SPOCK1: variants seen among roughly 807,000 people sequenced by gnomAD.
The protein encoded by SPOCK1 is testican-1.
SPOCK1 carries 23 observed loss-of-function variants against 55.3 expected under a neutral mutation model. The observed-to-expected ratio is 0.42, with a 90% CI of 0.30 to 0.59. The LOEUF is 0.59. SPOCK1 is among the 20% of genes least tolerant of loss of function. The pLI, the probability that SPOCK1 is intolerant of heterozygous loss-of-function variation, is 0.22. For synonymous variants in SPOCK1, 226 were observed against 221.0 expected (o/e 1.02, Z -0.20); for missense variants, 499 against 552.5 (o/e 0.90, Z 0.97).
At chr5:137,038,503 G>A (rs1751927547) in intron 6 of SPOCK1, among the ~76,000 whole-genome samples, 2 of 152,204 alleles carry the variant, frequency 1.3e-5, no homozygotes, top group Admixed American at 1.3e-4. Context: ...GTATGGAATG[G>A]AGGGATTTAA....
chr5:137,329,095 T>C (rs1363534944), intron 2 of SPOCK1, among the ~76,000 whole-genome samples: 2 of 152,176 alleles, frequency 1.3e-5, no homozygotes, highest in African/African-American at 2.4e-5. Flanking sequence ...TAAAGTGGAC[T>C]GGCCCTCTCC....
At chr5:137,071,254 G>A (rs879600676) in intron 5 of SPOCK1, among the ~76,000 whole-genome samples, 10 of 152,100 alleles carry the variant, frequency 6.6e-5, no homozygotes, top group East Asian at 1.9e-4. Flanking sequence ...CCAGCCTCCC[G>A]AAATGCTAGA....
chr5:137,040,190 G>C (rs1389230877), intron 6 of SPOCK1, among the ~76,000 whole-genome samples: 3 of 152,228 alleles, frequency 2.0e-5, no homozygotes, highest in African/African-American at 7.2e-5. Context: ...CCATCAGTAT[G>C]AATTAGTTTC....
intron 2 of SPOCK1, among the ~76,000 whole-genome samples, chr5:137,272,728 A>ACCCCCACC (rs1446848891): frequency 3.7e-5 from 1 of 26,958 alleles, no homozygotes; most frequent in Admixed American, 3.9e-4. Flanking sequence ...CAAATCACCC[A>ACCCCCACC]CCCCCACCCC....
In SPOCK1 at chr5:137,112,516, C is replaced by G; in HGVS notation, c.393G>C (p.Ser131=). 6.2e-7 allele frequency: 1 copy of G among 1,613,794 alleles called. No individual in the cohort carries two copies. The highest frequency in any genetic ancestry group is 1.1e-5 in the South Asian group (1 of 91,052). ...NVAQKHWVGP[S]NLVKCKPCPV... ...GACAGGGCTTGCACTTGACCAAATT[C>G]GAAGGTCCAACCCAGTGTTTCTGGG... is the stretch of plus-strand genomic sequence containing the variant. Residue 131 remains serine, a synonymous_variant, in exon 5 of 11, where the codon TCG becomes TCC. Coordinates refer to ENST00000394945, the MANE Select transcript of SPOCK1 (RefSeq NM_004598.4).
intron 6 of SPOCK1, among the ~76,000 whole-genome samples, chr5:137,066,987 C>CACACACACACACACAGAGAG (rs1343691789): frequency 1.0e-4 from 14 of 139,586 alleles, no homozygotes; most frequent in Non-Finnish European, 1.5e-4. Flanking sequence ...CACACACACA[C>CACACACACACACACAGAGAG]AGAGAGAGAG....
intron 3 of SPOCK1, among the ~76,000 whole-genome samples, chr5:137,232,626 C>T (rs1756087553): frequency 6.6e-6 from 1 of 152,216 alleles, no homozygotes; most frequent in African/African-American, 2.4e-5. Context: ...ATTCCTCCTA[C>T]TTTATTCTTC....
At chr5:137,093,678 C>T (rs534368082) in intron 5 of SPOCK1, among the ~76,000 whole-genome samples, 33 of 152,154 alleles carry the variant, frequency 2.2e-4, no homozygotes, top group African/African-American at 7.2e-4. Flanking sequence ...GATGGGGATG[C>T]GGAGAAGGAG....
intron 3 of SPOCK1, among the ~76,000 whole-genome samples, chr5:137,251,180 G>A (rs556301186): frequency 4.6e-5 from 7 of 152,262 alleles, no homozygotes; most frequent in Admixed American, 2.6e-4. Context: ...TGAGGGCCAC[G>A]CACTGCAAAC....
chr5:137,369,489 G>A (rs569280273), intron 2 of SPOCK1, among the ~76,000 whole-genome samples: 4 of 152,170 alleles, frequency 2.6e-5, no homozygotes, highest in East Asian at 1.9e-4. Context: ...CACAGGGGTC[G>A]AGAAGTGCCA....
intron 6 of SPOCK1, among the ~76,000 whole-genome samples, chr5:137,050,562 C>A (rs1752185587): frequency 6.6e-6 from 1 of 151,576 alleles, no homozygotes; most frequent in Non-Finnish European, 1.5e-5. Context: ...GTGAGATGAA[C>A]CCGGTACCTC....
chr5:137,075,667 T>C (rs988350825), intron 5 of SPOCK1, among the ~76,000 whole-genome samples: 1 of 152,200 alleles, frequency 6.6e-6, no homozygotes, highest in African/African-American at 2.4e-5. Context: ...GGCTGAATAG[T>C]TTCTCTAAAC....
chr5:137,058,058 G>C (rs1166258493), intron 6 of SPOCK1, among the ~76,000 whole-genome samples: 1 of 152,190 alleles, frequency 6.6e-6, no homozygotes, highest in Non-Finnish European at 1.5e-5. Flanking sequence ...CATCAGTGAA[G>C]GCTGTGATCT....
At chr5:137,337,481 T>C (rs962015594) in intron 2 of SPOCK1, among the ~76,000 whole-genome samples, 3 of 152,236 alleles carry the variant, frequency 2.0e-5, no homozygotes, top group Non-Finnish European at 4.4e-5. Flanking sequence ...TTCTGTATCA[T>C]GTACCATGAA....
At chr5:137,155,806 T>C (rs1042029934) in intron 3 of SPOCK1, among the ~76,000 whole-genome samples, 3 of 152,196 alleles carry the variant, frequency 2.0e-5, no homozygotes, top group Non-Finnish European at 4.4e-5. Flanking sequence ...TCTGGTCTCT[T>C]TGTGGGCTGT....
chr5:137,137,218 C>T (rs1315658320), intron 4 of SPOCK1, among the ~76,000 whole-genome samples: 4 of 152,222 alleles, frequency 2.6e-5, no homozygotes, highest in Admixed American at 2.0e-4. Context: ...TCATGACTGT[C>T]TGGCAGGTGA....
intron 4 of SPOCK1, among the ~76,000 whole-genome samples, chr5:137,138,871 G>A (rs763678412): frequency 4.0e-4 from 61 of 152,156 alleles, no homozygotes; most frequent in Non-Finnish European, 7.3e-5. Context: ...ACAATGACAG[G>A]TAGAATGAAG....
At chr5:137,105,234 C>T (rs1380050469) in intron 5 of SPOCK1, among the ~76,000 whole-genome samples, 1 of 152,208 alleles carries the variant, frequency 6.6e-6, no homozygotes, top group East Asian at 1.9e-4. Flanking sequence ...CAAGTGCCAT[C>T]TTCTGCCTTC....
At chr5:137,216,300 C>T (rs150580934) in intron 3 of SPOCK1, among the ~76,000 whole-genome samples, 239 of 152,322 alleles carry the variant, frequency 1.6e-3, no homozygotes, top group African/African-American at 5.5e-3. Context: ...GAAACATTAG[C>T]TGTTATGGCT....
Sources: gnomAD v4.1 joint callset for allele counts (sites outside exome capture counted in the v4.1 genomes callset) on GRCh38, gnomAD v4.1.1 for gene constraint, MANE v1.5 for transcripts, NCBI Gene and HGNC (gene_info 2026-07-23, HGNC 2026-07-21) for gene names.